SFTPD: variants seen among roughly 807,000 people sequenced by gnomAD.
SFTPD encodes pulmonary surfactant-associated protein D.
SFTPD carries 18 observed loss-of-function variants against 34.6 expected under a neutral mutation model. The ratio of observed to expected loss-of-function variants is 0.52; its 90% CI spans 0.36 to 0.77. SFTPD has a LOEUF of 0.77. Ranked by LOEUF, SFTPD falls within the 30% of genes least tolerant of loss-of-function variation. The probability of loss-of-function intolerance (pLI) is 0.00; values close to 1 mark genes in which losing one functional copy is unlikely to be tolerated. For synonymous variants in SFTPD, 155 were observed against 180.9 expected (o/e 0.86, Z 1.15); for missense variants, 433 against 468.9 (o/e 0.92, Z 0.71).
intron 1 of SFTPD, chr10:79,968,879 G>C (rs1464449219): frequency 2.6e-5 from 4 of 152,110 alleles, no homozygotes; most frequent in Admixed American, 2.0e-4. Flanking sequence ...ACTGGTGTAA[G>C]ATGGTATCTC....
rs570272132 is a variant in SFTPD at position 79,944,066 on chromosome 10, G to A, written c.200-1187C>T. Among the ~76,000 whole-genome samples the A allele has an allele frequency of 8.2e-4, 125 of 152,342 alleles. 1 individual carries two copies. The highest frequency in any genetic ancestry group is 1.5e-3 in the Non-Finnish European group (103 of 68,038). On this transcript the variant is annotated intron_variant, in intron 2 of 7. Coordinates refer to ENST00000372292, the MANE Select transcript of SFTPD (RefSeq NM_003019.5). ...CCTTTCAAAACACTCACTGTGTATC[G>A]TAGTGTACCCAGAGACCTAGACCTG...
At chr10:79,957,699 G>A (rs1842748083) in intron 1 of SFTPD, among the ~76,000 whole-genome samples, 1 of 152,220 alleles carries the variant, frequency 6.6e-6, no homozygotes. Context: ...GTGACATGGA[G>A]AATGGAACCA....
intron 2 of SFTPD, among the ~76,000 whole-genome samples, chr10:79,943,283 G>C (rs141100702): frequency 4.7e-4 from 72 of 152,220 alleles, no homozygotes; most frequent in African/African-American, 1.7e-3. Context: ...GTTATTGGTC[G>C]ATTTGCTCAT....
intron 3 of SFTPD, 40 bp downstream of exon 3, chr10:79,942,723 A>G (rs770083719): frequency 1.5e-6 from 2 of 1,343,978 alleles, no homozygotes; most frequent in Non-Finnish European, 2.1e-6. Context: ...CAGCTGCACC[A>G]CCACCTGGAA....
chr10:79,941,858 G>A (rs1304086296), intron 5 of SFTPD, 96 bp downstream of exon 5: 23 of 804,886 alleles, frequency 2.9e-5, no homozygotes, highest in Non-Finnish European at 3.9e-5. Context: ...TACCACCTCT[G>A]CCTTTGTGGG....
At chr10:79,941,308 C>A (rs1842608619) in intron 6 of SFTPD, 90 bp downstream of exon 6, 1 of 1,131,028 alleles carries the variant, frequency 8.8e-7, no homozygotes, top group Non-Finnish European at 1.3e-6. Flanking sequence ...GGCACACATC[C>A]CAGAGCCCCT....
Position 79,973,478 on chromosome 10 carries a change from C to T in SFTPD, c.36+9097G>A, listed in dbSNP as rs189374374. 5.3e-5 allele frequency among the ~76,000 whole-genome samples: 8 copies of T among 152,030 alleles called. No homozygotes were observed. The East Asian group carries it at 1.2e-3, about 22-fold the overall frequency. ...ACTAAAAATACAAAAATTAGCCAGGCGCAGTGATGGGTGCCTGTAATCCCA... is the reference window on the plus strand; with the variant it reads ...ACTAAAAATACAAAAATTAGCCAGGTGCAGTGATGGGTGCCTGTAATCCCA... On this transcript the variant is annotated intron_variant, in intron 1 of 5. Coordinates refer to the SFTPD transcript ENST00000444384.
At position 79,946,522 on chromosome 10, in the gene SFTPD, G is replaced by A. The variant is rs6413521; in HGVS notation, c.138C>T (p.Gly46=). 185 of 1,614,134 alleles carry A rather than the reference G, an allele frequency of 1.1e-4. 1 individual carries two copies. The African/African-American group carries it at 2.2e-3, about 19-fold the overall frequency. Residue 46 remains glycine, a synonymous_variant, in exon 2 of 8, where the codon GGC becomes GGT. Coordinates refer to ENST00000372292, the MANE Select transcript of SFTPD (RefSeq NM_003019.5). ...TLVMCSSVES[G]LPGRDGRDGR... ...CATCCCGTCCATCGCGACCAGGCAGGCCACTCTCCACTGAGCTACACATGA... is the reference window on the plus strand; with the variant it reads ...CATCCCGTCCATCGCGACCAGGCAGACCACTCTCCACTGAGCTACACATGA...
chr10:79,946,769 T>A, intron 1 of SFTPD, 107 bp from the exon 2 acceptor site: 5 of 987,436 alleles, frequency 5.1e-6, no homozygotes, highest in Non-Finnish European at 7.7e-6. Context: ...TCCCTCCTTC[T>A]GTCCTCTGCT....
chr10:79,949,848 C>G (rs1842699095), upstream of SFTPD, among the ~76,000 whole-genome samples: 1 of 124,514 alleles, frequency 8.0e-6, no homozygotes, highest in African/African-American at 3.6e-5. Flanking sequence ...ATCTTTTAGT[C>G]TGTATGTATT....
intron 1 of SFTPD, among the ~76,000 whole-genome samples, chr10:79,961,721 T>C (rs1842773780): frequency 6.6e-6 from 1 of 152,220 alleles, no homozygotes; most frequent in African/African-American, 2.4e-5. Flanking sequence ...TCAACCATTG[T>C]GGAAGTCAGT....
chr10:79,970,553 T>G (rs1842829592), intron 1 of SFTPD: 1 of 152,134 alleles, frequency 6.6e-6, no homozygotes, highest in African/African-American at 2.4e-5. Flanking sequence ...TTCATTAATG[T>G]TTTACAGTTT....
intron 1 of SFTPD, 52 bp from the exon 2 acceptor site, chr10:79,946,714 G>T: frequency 6.5e-7 from 1 of 1,531,856 alleles, no homozygotes; most frequent in Non-Finnish European, 8.9e-7. Flanking sequence ...CATGGACATG[G>T]TTTAGGGCTT....
intron 1 of SFTPD, among the ~76,000 whole-genome samples, chr10:79,977,604 A>G (rs79098992): frequency 0.016 from 2,399 of 152,330 alleles, 71 homozygotes; most frequent in African/African-American, 0.055. Flanking sequence ...CCTCATGGTA[A>G]TATAAGGAAC....
At chr10:79,958,983 A>C (rs1589339896) in intron 1 of SFTPD, among the ~76,000 whole-genome samples, 1 of 152,256 alleles carries the variant, frequency 6.6e-6, no homozygotes, top group East Asian at 1.9e-4. Flanking sequence ...ACTCAGGACT[A>C]AGAAACTCAC....
intron 1 of SFTPD, among the ~76,000 whole-genome samples, chr10:79,977,150 G>A (rs749101579): frequency 2.0e-5 from 3 of 152,194 alleles, no homozygotes; most frequent in East Asian, 1.9e-4. Flanking sequence ...GGTGTGAGAC[G>A]TGGCCATTTC....
upstream of SFTPD, among the ~76,000 whole-genome samples, chr10:79,951,328 T>C (rs1842709105): frequency 6.6e-6 from 1 of 152,218 alleles, no homozygotes; most frequent in Non-Finnish European, 1.5e-5. Flanking sequence ...CTTCTTACTT[T>C]TGAACTTACT....
intron 1 of SFTPD, among the ~76,000 whole-genome samples, chr10:79,956,797 A>G (rs1274710565): frequency 6.6e-6 from 1 of 152,196 alleles, no homozygotes; most frequent in Non-Finnish European, 1.5e-5. Flanking sequence ...AGCTTTGAAG[A>G]GAGTAGTGGT....
intron 1 of SFTPD, among the ~76,000 whole-genome samples, chr10:79,965,466 A>G (rs59794457): frequency 0.073 from 10,761 of 147,644 alleles, 822 homozygotes; most frequent in East Asian, 0.38. Context: ...GAGAAACATC[A>G]CCATTATCTC....
Sources: allele counts gnomAD v4.1 joint callset (sites outside exome capture counted in the v4.1 genomes callset), GRCh38; gene constraint gnomAD v4.1.1; transcripts MANE v1.5; gene names NCBI Gene and HGNC (gene_info 2026-07-23, HGNC 2026-07-21).